Variants in SNX10 observed in about 807,000 individuals in gnomAD.
The protein encoded by SNX10 is sorting nexin-10.
Under a neutral mutation model 28.5 loss-of-function variants are expected in SNX10, and 25 were observed. That is an observed-to-expected ratio of 0.88 (90% CI 0.64 to 1.22). SNX10 has a LOEUF of 1.22. Ranked by LOEUF, SNX10 falls within the 50% of genes most tolerant of loss-of-function variation. The pLI, the probability that SNX10 is intolerant of heterozygous loss-of-function variation, is 0.00. For missense variants in SNX10, 223 were observed against 242.6 expected, an observed-to-expected ratio of 0.92 and a Z score of 0.54; for synonymous variants, 62 against 81.4, an observed-to-expected ratio of 0.76 and a Z score of 1.28.
rs144067986 is a variant in SNX10 at position 26,365,257 on chromosome 7, G to A, written c.311+112G>A. The A allele has an allele frequency of 9.6e-4, 628 of 654,704 alleles. 2 individuals carry two copies. In the African/African-American group the frequency reaches 0.01, roughly 11 times the overall value. The allele number at this position is 654,704 out of a possible 1,614,324, so 40.6% of individuals were successfully genotyped here. On this transcript the variant is annotated intron_variant, in intron 5 of 6. Coordinates refer to ENST00000338523, the MANE Select transcript of SNX10 (RefSeq NM_013322.3). ...CCTGTTTCTGAAATGCAAATAATCT[G>A]CACTAGAGCAAAACCCAGTGGCCCA... is the stretch of plus-strand genomic sequence containing the variant.
intron 2 of SNX10, among the ~76,000 whole-genome samples, chr7:26,359,390 C>T (rs948643748): frequency 1.3e-5 from 2 of 152,212 alleles, no homozygotes; most frequent in Middle Eastern, 3.4e-3. Context: ...AGAAAGCCCC[C>T]GATCTCTCTT....
At chr7:26,345,479 G>A (rs944023489) in intron 1 of SNX10, among the ~76,000 whole-genome samples, 3 of 152,154 alleles carry the variant, frequency 2.0e-5, no homozygotes, top group Non-Finnish European at 4.4e-5. Context: ...GCTGCTGCTC[G>A]GGTGCAGCTC....
chr7:26,364,308 C>T lies in SNX10; in HGVS notation c.112-227C>T. On this transcript the variant is annotated intron_variant, in intron 3 of 6. Coordinates refer to ENST00000338523, the MANE Select transcript of SNX10 (RefSeq NM_013322.3). The surrounding 1 kb of genome is among the most constrained non-coding windows in gnomAD (Gnocchi z 4.9). ...GGATGCAGGGAGTGGCCAGGTCATA[C>T]CTCACCCTGGGGCAACACTGCTTAT... 1 of 1,236,254 alleles carries T rather than the reference C, an allele frequency of 8.1e-7. No homozygotes were observed. The highest frequency in any genetic ancestry group is 1.0e-6 in the Non-Finnish European group (1 of 986,914). 76.6% of individuals were successfully genotyped at this position (1,236,254 alleles called of 1,614,324 possible).
At chr7:26,335,987 T>C (rs1215402393) in intron 1 of SNX10, among the ~76,000 whole-genome samples, 7 of 152,010 alleles carry the variant, frequency 4.6e-5, no homozygotes, top group Non-Finnish European at 1.0e-4. Flanking sequence ...CGCCTCGGCC[T>C]CCCAAAGTGC....
At chr7:26,319,804 A>G (rs912232805) in intron 1 of SNX10, among the ~76,000 whole-genome samples, 8 of 152,280 alleles carry the variant, frequency 5.3e-5, no homozygotes, top group Non-Finnish European at 5.9e-5. Flanking sequence ...GGGAAATGAC[A>G]AAAGCCTCAG....
chr7:26,372,945 G>C lies in SNX10; in HGVS notation c.*373G>C, dbSNP rs901217941. 1 of 197,506 alleles carries C rather than the reference G, an allele frequency of 5.1e-6. No individual in the cohort carries two copies. Among genetic ancestry groups the C allele is most frequent in the Non-Finnish European group, 1.0e-5 (1 of 95,456 alleles). 12.2% of individuals were successfully genotyped at this position (197,506 alleles called of 1,614,324 possible). A position where few individuals can be genotyped will look rare whatever the true frequency, so the allele number is the denominator to read the frequency against. ...ATAGAGCATTCCTTCTTGTATCAGTGGGGCAGTGTTACCATAAACACGGTG... is the reference window on the plus strand; with the variant it reads ...ATAGAGCATTCCTTCTTGTATCAGTCGGGCAGTGTTACCATAAACACGGTG... On this transcript the variant is annotated 3_prime_UTR_variant, in exon 7 of 7. Transcript: ENST00000338523.
At chr7:26,339,183 A>G (rs1788071863) in intron 1 of SNX10, among the ~76,000 whole-genome samples, 1 of 152,192 alleles carries the variant, frequency 6.6e-6, no homozygotes, top group African/African-American at 2.4e-5. Context: ...CCCAGGAATG[A>G]ATAAGGACAT....
chr7:26,318,303 C>T (rs904813524), intron 1 of SNX10, among the ~76,000 whole-genome samples: 4 of 151,994 alleles, frequency 2.6e-5, no homozygotes, highest in African/African-American at 9.7e-5. Flanking sequence ...TTGAGAAAGG[C>T]GAGTCTTGCT....
At chr7:26,345,829 A>C (rs17153451) in intron 1 of SNX10, among the ~76,000 whole-genome samples, 26,494 of 152,138 alleles carry the variant, frequency 0.17, 2,655 homozygotes, top group South Asian at 0.41. Flanking sequence ...AAGTGGGTTT[A>C]AAGAACAATT....
At chr7:26,349,762 G>A (rs1409745030) in intron 2 of SNX10, among the ~76,000 whole-genome samples, 1 of 152,198 alleles carries the variant, frequency 6.6e-6, no homozygotes, top group Non-Finnish European at 1.5e-5. Flanking sequence ...AGTGTCTTTT[G>A]TGGAGCTAGG....
chr7:26,324,054 A>G (rs935009753), intron 1 of SNX10, among the ~76,000 whole-genome samples: 2 of 152,212 alleles, frequency 1.3e-5, no homozygotes, highest in Non-Finnish European at 2.9e-5. Context: ...CTTGAAGTTT[A>G]TATACTGGTC....
intron 1 of SNX10, among the ~76,000 whole-genome samples, chr7:26,341,566 C>T (rs1405295215): frequency 1.3e-5 from 2 of 151,054 alleles, no homozygotes; most frequent in African/African-American, 4.9e-5. Flanking sequence ...GTGATCTTGA[C>T]TCACTGCAAC....
chr7:26,312,453 G>A (rs2893245), intron 1 of SNX10, among the ~76,000 whole-genome samples: 78,816 of 152,032 alleles, frequency 0.52, 20,764 homozygotes, highest in East Asian at 0.8. Flanking sequence ...CAGGAACTCT[G>A]TAAGAAAATG....
Position 26,373,665 on chromosome 7 carries a change from TG to T in SNX10, c.*1094del, listed in dbSNP as rs967401305. The T allele has an allele frequency of 5.0e-4, 76 of 152,156 alleles. No homozygotes were observed. Among genetic ancestry groups the T allele is most frequent in the Middle Eastern group, 3.4e-3 (1 of 294 alleles). The allele number at this position is 152,156 out of a possible 1,614,324, so 9.4% of individuals were successfully genotyped here. A position where few individuals can be genotyped will look rare whatever the true frequency, so the allele number is the denominator to read the frequency against. ...GATTTCAGATGAGGCAACATTTTCT[TG>T]AGATAATTACCCAAGTTTCATCCAT... On this transcript the variant is annotated 3_prime_UTR_variant, in exon 7 of 7. Coordinates refer to ENST00000338523, the MANE Select transcript of SNX10 (RefSeq NM_013322.3). The surrounding 1 kb of genome is among the most constrained non-coding windows in gnomAD (Gnocchi z 4.2).
intron 1 of SNX10, among the ~76,000 whole-genome samples, chr7:26,316,749 G>A (rs1787107145): frequency 6.6e-6 from 1 of 152,132 alleles, no homozygotes; most frequent in Non-Finnish European, 1.5e-5. Flanking sequence ...CAGGATTTGA[G>A]CCCAGGGAGG....
intron 1 of SNX10, among the ~76,000 whole-genome samples, chr7:26,300,310 C>A (rs75022443): frequency 6.6e-6 from 1 of 151,694 alleles, no homozygotes; most frequent in East Asian, 1.9e-4. Flanking sequence ...CCAGGCTGGT[C>A]TCAGACTCCT....
chr7:26,312,427 C>T (rs182832163), intron 1 of SNX10, among the ~76,000 whole-genome samples: 3 of 152,122 alleles, frequency 2.0e-5, no homozygotes, highest in East Asian at 1.9e-4. Flanking sequence ...CTCCTATGAA[C>T]CAATAAGGAA....
chr7:26,313,975 AT>A (rs1466832698), intron 1 of SNX10, among the ~76,000 whole-genome samples: 1 of 150,512 alleles, frequency 6.6e-6, no homozygotes, highest in Non-Finnish European at 1.5e-5. Flanking sequence ...ACCCCACCTA[AT>A]TTTTGTATTT....
intron 1 of SNX10, among the ~76,000 whole-genome samples, chr7:26,321,956 C>T (rs963057444): frequency 2.0e-5 from 3 of 152,100 alleles, no homozygotes; most frequent in African/African-American, 4.8e-5. Context: ...TAGGCCACAG[C>T]TTACCTTTGT....
Sources: allele counts gnomAD v4.1 joint callset (sites outside exome capture counted in the v4.1 genomes callset), GRCh38; gene constraint gnomAD v4.1.1; non-coding constraint Gnocchi (gnomAD v3.1); transcripts MANE v1.5; gene names NCBI Gene and HGNC (gene_info 2026-07-23, HGNC 2026-07-21).